The following FDXACB1 variants were observed in gnomAD, a reference collection of about 807,000 sequenced individuals.
FDXACB1 encodes ferredoxin-fold anticodon-binding domain-containing protein 1.
In FDXACB1, 41 loss-of-function variants were observed where a neutral mutation model predicts 51.7. The ratio of observed to expected loss-of-function variants is 0.79; its 90% CI spans 0.62 to 1.03. The LOEUF is 1.03. Among genes scored for constraint, FDXACB1 ranks in the 50% least tolerant of loss-of-function variants. FDXACB1 has a pLI of 0.00. For synonymous variants in FDXACB1, 273 were observed against 278.6 expected, an observed-to-expected ratio of 0.98 and a Z score of 0.20; for missense variants, 697 against 746.4, an observed-to-expected ratio of 0.93 and a Z score of 0.77.
Position 111,876,912 on chromosome 11 carries a change from G to C in FDXACB1, c.429C>G (p.Asn143Lys). ...CTGCCATGGCAACCACTTGCCAACT[G>C]TTGTGCCATTCTCTCTGGGGCTTAT... is the stretch of plus-strand genomic sequence containing the variant. ...PADKPQREWH[N>K]SWQVVAMAAL... Residue 143 changes from asparagine to lysine, a missense_variant, in exon 3 of 5, where the codon AAC becomes AAG. By Grantham distance (94) the Asn-to-Lys change is moderately conservative (BLOSUM62 0). Around this residue, in one of 3 missense-constraint regions of FDXACB1, gnomAD observed 538 missense variants for 592.2 expected, o/e 0.91. Transcript: ENST00000260257. 6.2e-7 allele frequency: 1 copy of C among 1,612,920 alleles called. No homozygotes were observed. Among genetic ancestry groups the C allele is most frequent in the East Asian group, 2.2e-5 (1 of 44,874 alleles).
chr11:111,874,854 G>T lies in FDXACB1; in HGVS notation c.*68C>A. ...AAAAATCCAGAAAGGACTACTGGTT[G>T]CAAGTTGGTAATTTTCCTCCACATC... is the stretch of plus-strand genomic sequence containing the variant. On this transcript the variant is annotated 3_prime_UTR_variant, in exon 5 of 5. Transcript: ENST00000260257. The T allele has an allele frequency of 7.2e-7, 1 of 1,392,136 alleles. No individual in the cohort carries two copies. Among genetic ancestry groups the T allele is most frequent in the Non-Finnish European group, 9.9e-7 (1 of 1,014,244 alleles). The allele number at this position is 1,392,136 out of a possible 1,614,324, so 86.2% of individuals were successfully genotyped here. A position where few individuals can be genotyped will look rare whatever the true frequency, so the allele number is the denominator to read the frequency against.
Position 111,876,092 on chromosome 11 carries a change from T to C in FDXACB1, c.705A>G (p.Glu235=), listed in dbSNP as rs200207835. The change falls in exon 5 of 5, where the codon GAA becomes GAG. Residue 235 remains glutamate (E), a synonymous_variant. Coordinates refer to ENST00000260257, the MANE Select transcript of FDXACB1 (RefSeq NM_138378.3). ...TTTTGATAGGATGACATGAAGGTGC[T>C]TCCAGGAAACCCCTGTTTAAACACA... ...LVGKLNRGFL[E]APSCHPIKTI... is the part of the protein sequence containing the mutation. 6.2e-7 allele frequency: 1 copy of C among 1,601,722 alleles called. No homozygotes were observed. Among genetic ancestry groups the C allele is most frequent in the Non-Finnish European group, 8.5e-7 (1 of 1,173,530 alleles).
chr11:111,875,338 C>T lies in FDXACB1; in HGVS notation c.1459G>A (p.Val487Met), dbSNP rs552500014. Reference sequence around the variant, plus strand: ...GCTAATAAGTCCAAGTTCATAGACACAAACACAAAACACTGGTCTTTATGT... The same window carrying T: ...GCTAATAAGTCCAAGTTCATAGACATAAACACAAAACACTGGTCTTTATGT... ...VIHKDQCFVF[V>M]SMNLDLLAML... Residue 487 changes from valine to methionine, a missense_variant, in exon 5 of 5, where the codon GTG becomes ATG. Transcript: ENST00000260257. 14 of 1,613,828 alleles carry T rather than the reference C, an allele frequency of 8.7e-6. 1 individual carries two copies. The South Asian group carries it at 1.5e-4, about 18-fold the overall frequency.
rs370077571 is a variant in FDXACB1 at position 111,876,023 on chromosome 11, C to T, written c.774G>A (p.Pro258=). The T allele has an allele frequency of 9.3e-6, 15 of 1,613,768 alleles. No homozygotes were observed. The East Asian group carries it at 1.1e-4, about 12-fold the overall frequency. The change falls in exon 5 of 5, where the codon CCG becomes CCA. Residue 258 remains proline, a synonymous_variant. Transcript: ENST00000260257. ...GGTAGGAACACTTCAGCCTTTTTAG[C>T]GGGAAAACTTTGCCTAATTCAGCAA... is the stretch of plus-strand genomic sequence containing the variant. ...KLIAELGKVF[P]LKRLKCSYPL...
rs201093596 is a variant in FDXACB1 at position 111,876,630 on chromosome 11, A to G, written c.543T>C (p.Asp181=). The change falls in exon 4 of 5, where the codon GAT becomes GAC. Residue 181 remains aspartate, a synonymous_variant. Transcript: ENST00000260257. The part of the protein sequence containing the change: ...GYKCTGYRSQ[D]KSFHVEGALN... ...AAGCACCTTCTACATGAAAGGACTTATCTTGACTCCTGGCAAAATAGACAC... is the reference window on the plus strand; with the variant it reads ...AAGCACCTTCTACATGAAAGGACTTGTCTTGACTCCTGGCAAAATAGACAC... The G allele has an allele frequency of 5.9e-4, 957 of 1,611,748 alleles. 2 individuals carry two copies. In the African/African-American group the frequency reaches 0.011, roughly 18 times the overall value.
chr11:111,876,386 C>A, intron 4 of FDXACB1, 95 bp downstream of exon 4: 2 of 1,405,536 alleles, frequency 1.4e-6, no homozygotes, highest in Non-Finnish European at 1.9e-6. Flanking sequence ...ACATCACTAA[C>A]AATTTATGCA....
At position 111,876,549 on chromosome 11, in the gene FDXACB1, G is replaced by T; in HGVS notation, c.624C>A (p.Phe208Leu). Residue 208 changes from phenylalanine to leucine, a missense_variant, in exon 4 of 5, where the codon TTC (phenylalanine) becomes TTA (leucine). By Grantham distance (22) the Phe-to-Leu change is conservative. Transcript: ENST00000260257. ...ACCACTGGTTACCCAGTTTGATCCTGAAGATTCTGGGTTGAGAACCTTCAA... is the reference window on the plus strand; with the variant it reads ...ACCACTGGTTACCCAGTTTGATCCTTAAGATTCTGGGTTGAGAACCTTCAA... The part of the protein sequence containing the change: ...LPFEGSQPRI[F>L]RIKLGNQWFS... The T allele has an allele frequency of 6.2e-7, 1 of 1,614,040 alleles. No individual in the cohort carries two copies. The highest frequency in any genetic ancestry group is 1.1e-5 in the South Asian group (1 of 91,086).
rs782045574 is a variant in FDXACB1, at chr11:111,878,953, C to CGCAGAGGGGCGGGG, written c.172+7_172+8insCCCCGCCCCTCTGC. ...GGGCGGGGTTTCGCAGAGGGGCGGG[C>CGCAGAGGGGCGGGG]TCGCTACCTCGCTCGCGCAGGCACT... is the stretch of plus-strand genomic sequence containing the variant. On this transcript the variant is annotated splice_region_variant and intron_variant, in intron 1 of 4. Transcript: ENST00000260257. 6.3e-7 allele frequency: 1 copy of CGCAGAGGGGCGGGG among 1,575,878 alleles called. No individual in the cohort carries two copies. The highest frequency in any genetic ancestry group is 1.9e-5 in the Admixed American group (1 of 53,436).
chr11:111,878,687 G>C lies in FDXACB1; in HGVS notation c.198C>G (p.Asp66Glu), dbSNP rs1329001651. 2 of 1,611,486 alleles carry C rather than the reference G, an allele frequency of 1.2e-6. No homozygotes were observed. The highest frequency in any genetic ancestry group is 4.5e-5 in the East Asian group (2 of 44,862). ...CAAAGACATCTGCCAGCTGGGTGCA[G>C]TCCACACCGAAACGTACATCGATAC... is the stretch of plus-strand genomic sequence containing the variant. ...ERGIDVRFGVDCTQLADVFEL... is the reference protein window; with the variant it reads ...ERGIDVRFGVECTQLADVFEL... The change falls in exon 2 of 5, where the codon GAC becomes GAG. Residue 66 changes from aspartate to glutamate, a missense_variant. By Grantham distance (45) the Asp-to-Glu change is conservative. Transcript: ENST00000260257.
Position 111,876,576 on chromosome 11 carries a change from A to G in FDXACB1, c.597T>C (p.Pro199=), listed in dbSNP as rs782748041. 1 of 1,614,076 alleles carries G rather than the reference A, an allele frequency of 6.2e-7. No individual in the cohort carries two copies. Among genetic ancestry groups the G allele is most frequent in the Non-Finnish European group, 8.5e-7 (1 of 1,179,902 alleles). The change falls in exon 4 of 5, where the codon CCT becomes CCC. Residue 199 remains proline, a synonymous_variant. Coordinates refer to ENST00000260257, the MANE Select transcript of FDXACB1 (RefSeq NM_138378.3). ...AGATTCTGGGTTGAGAACCTTCAAA[A>G]GGTAAGCTCCTGGTGAAGATATGGT... ...ALNHIFTRSL[P]FEGSQPRIFR...
chr11:111,875,237 A>G lies in FDXACB1; in HGVS notation c.1560T>C (p.Pro520=). 6.2e-7 allele frequency: 1 copy of G among 1,613,980 alleles called. No homozygotes were observed. Among genetic ancestry groups the G allele is most frequent in the Non-Finnish European group, 8.5e-7 (1 of 1,179,890 alleles). ...GACTTTTAAAGGGTTCTATTTTGCC[A>G]GGGACAAAATTTTTCAGGAAACGGT... is the stretch of plus-strand genomic sequence containing the variant. ...FDNRFLKNFV[P]GKIEPFKSHS... is the part of the protein sequence containing the mutation. Residue 520 remains proline (P), a synonymous_variant, in exon 5 of 5, where the codon CCT becomes CCC. Transcript: ENST00000260257.
In FDXACB1 at chr11:111,875,408, CT is replaced by C; in HGVS notation, c.1388del (p.Glu463GlyfsTer3). On this transcript the variant is annotated frameshift_variant, in exon 5 of 5. Coordinates refer to ENST00000260257, the MANE Select transcript of FDXACB1 (RefSeq NM_138378.3). LOFTEE classifies it high-confidence loss of function. Reference sequence around the variant, plus strand: ...TGATAACAGACCCAATAATTAGATCCTCAGTACAATCTGGGCTAAAATTATG... The same window carrying C: ...TGATAACAGACCCAATAATTAGATCCCAGTACAATCTGGGCTAAAATTATG... ...KTHNFSPDCT[E>X]DLIIGSVITS... The C allele has an allele frequency of 6.2e-7, 1 of 1,613,604 alleles. No homozygotes were observed. The highest frequency in any genetic ancestry group is 8.5e-7 in the Non-Finnish European group (1 of 1,179,852).
intron 1 of FDXACB1, 60 bp from the exon 2 acceptor site, chr11:111,878,772 C>G: frequency 6.4e-7 from 1 of 1,554,344 alleles, no homozygotes; most frequent in South Asian, 1.2e-5. Flanking sequence ...AGACATGGAA[C>G]AGAAAAACTC....
In FDXACB1 at chr11:111,875,922, C is replaced by G. The variant is rs782714957; in HGVS notation, c.875G>C (p.Ser292Thr). The change falls in exon 5 of 5, where the codon AGT (serine) becomes ACT (threonine). Residue 292 changes from serine (S) to threonine (T), a missense_variant. Physicochemically the swap from Ser to Thr is moderately conservative, Grantham distance 58. Around this residue, in one of 3 missense-constraint regions of FDXACB1, gnomAD observed 538 missense variants for 592.2 expected, o/e 0.91. Coordinates refer to ENST00000260257, the MANE Select transcript of FDXACB1 (RefSeq NM_138378.3). ...AGAATTTGAGTTATCTTCATGGAGA[C>G]TAATCCAAAAAGCAGCTGACAGAAA... ...CDFLSAAFWISLHEDNSNSES... is the reference protein window; with the variant it reads ...CDFLSAAFWITLHEDNSNSES... 1.5e-5 allele frequency: 24 copies of G among 1,613,784 alleles called. No homozygotes were observed. In the African/African-American group the frequency reaches 2.4e-4, roughly 16 times the overall value.
chr11:111,879,001 A>G lies in FDXACB1; in HGVS notation c.132T>C (p.Asp44=), dbSNP rs782274136. ...ACTGCAGATTCTCCCAGGCCAGTGG[A>G]TCCCGAGCCAACTCGGCCGGGCGCT... ...CLQRPAELAR[D]PLAWENLQCL... is the part of the protein sequence containing the mutation. The change falls in exon 1 of 5, where the codon GAT becomes GAC. Residue 44 remains aspartate, a synonymous_variant. Transcript: ENST00000260257. 5 of 1,611,940 alleles carry G rather than the reference A, an allele frequency of 3.1e-6. No homozygotes were observed. The highest frequency in any genetic ancestry group is 1.3e-5 in the African/African-American group (1 of 74,882).
In FDXACB1 at chr11:111,876,567, A is replaced by T; in HGVS notation, c.606T>A (p.Gly202=). The T allele has an allele frequency of 6.2e-7, 1 of 1,614,048 alleles. No homozygotes were observed. The highest frequency in any genetic ancestry group is 8.5e-7 in the Non-Finnish European group (1 of 1,179,888). ...HIFTRSLPFE[G]SQPRIFRIKL... The stretch of plus-strand genomic sequence containing the variant: ...TGATCCTGAAGATTCTGGGTTGAGA[A>T]CCTTCAAAAGGTAAGCTCCTGGTGA... Residue 202 remains glycine (G), a synonymous_variant, in exon 4 of 5, where the codon GGT becomes GGA. Coordinates refer to ENST00000260257, the MANE Select transcript of FDXACB1 (RefSeq NM_138378.3).
At chr11:111,878,531 C>T (rs2137349122) in intron 2 of FDXACB1, 25 bp downstream of exon 2, 3 of 1,555,424 alleles carry the variant, frequency 1.9e-6, no homozygotes, top group East Asian at 2.3e-5. Context: ...AAACATTTTC[C>T]TTGTGAGGGC....
chr11:111,876,954 T>G lies in FDXACB1; in HGVS notation c.387A>C (p.Gln129His). 6.2e-7 allele frequency: 1 copy of G among 1,607,612 alleles called. No individual in the cohort carries two copies. The highest frequency in any genetic ancestry group is 1.3e-5 in the African/African-American group (1 of 75,002). ...GEVHVALCRG[Q>H]GGTPADKPQR... Reference sequence around the variant, plus strand: ...GGGGCTTATCCGCAGGAGTTCCACCTTGTCCTCTACATAATGCCACGTGGA... The same window carrying G: ...GGGGCTTATCCGCAGGAGTTCCACCGTGTCCTCTACATAATGCCACGTGGA... The change falls in exon 3 of 5, where the codon CAA becomes CAC. Residue 129 changes from glutamine (Q) to histidine (H), a missense_variant. This residue lies in a region of FDXACB1 where 538 missense variants were observed against 592.2 expected (regional missense o/e 0.91). Transcript: ENST00000260257.
chr11:111,878,924 C>T (rs781820700), intron 1 of FDXACB1, 37 bp downstream of exon 1: 19 of 1,569,662 alleles, frequency 1.2e-5, no homozygotes, highest in Admixed American at 3.8e-5. Context: ...ACGCGCCGGC[C>T]GCTGGGCGGG....
Sources: allele counts gnomAD v4.1 joint callset, GRCh38; gene constraint gnomAD v4.1.1; regional missense constraint gnomAD v4.1.1; transcripts MANE v1.5; gene names NCBI Gene and HGNC (gene_info 2026-07-23, HGNC 2026-07-21).